ABR: variants seen among roughly 807,000 people sequenced by gnomAD.
The protein encoded by ABR is active breakpoint cluster region-related protein.
A neutral mutation model predicts 107.2 loss-of-function variants in ABR; 35 were observed. The ratio of observed to expected loss-of-function variants is 0.33; its 90% CI spans 0.25 to 0.43. The LOEUF (loss-of-function observed/expected upper bound fraction) is 0.43. Ranked by LOEUF, ABR falls within the 20% of genes least tolerant of loss-of-function variation. The pLI is 1.00. For synonymous variants in ABR, 498 were observed against 462.0 expected, an observed-to-expected ratio of 1.08 and a Z score of -1.00; for missense variants, 815 against 1,115.2, an observed-to-expected ratio of 0.73 and a Z score of 3.83.
chr17:1,048,820 T>C lies in ABR; in HGVS notation c.1791+1230A>G, dbSNP rs142277767. 7.7e-3 allele frequency among the ~76,000 whole-genome samples: 1,060 copies of C among 137,642 alleles called. 11 individuals are homozygous for C. Among genetic ancestry groups the C allele is most frequent in the African/African-American group, 0.024 (799 of 33,334 alleles). The allele number at this position is 137,642 out of a possible 152,430, so 90.3% of individuals were successfully genotyped here. A position where few individuals can be genotyped will look rare whatever the true frequency, so the allele number is the denominator to read the frequency against. ...GGTCAAGAAGCTCGGCGCCCAGCTG[T>C]GCCTGGATCACGTCTGCGGCCACTG... On this transcript the variant is annotated intron_variant, in intron 16 of 22. Coordinates refer to ENST00000302538, the MANE Select transcript of ABR (RefSeq NM_021962.5).
chr17:1,050,477 G>A lies in ABR; in HGVS notation c.1659+60C>T. 2.0e-6 allele frequency: 3 copies of A among 1,486,268 alleles called. No homozygotes were observed. The highest frequency in any genetic ancestry group is 1.1e-5 in the South Asian group (1 of 88,666). The allele number at this position is 1,486,268 out of a possible 1,614,324, so 92.1% of individuals were successfully genotyped here. A position where few individuals can be genotyped will look rare whatever the true frequency, so the allele number is the denominator to read the frequency against. On this transcript the variant is annotated intron_variant, in intron 15 of 22. Coordinates refer to ENST00000302538, the MANE Select transcript of ABR (RefSeq NM_021962.5). This position sits in a 1 kb window ranked among gnomAD's most constrained non-coding sequence, Gnocchi z 4.6. Reference sequence around the variant, plus strand: ...ACCAATGGGCTGGCCGTCCCCAGCAGACAAGCCACGAGCACGGGGTGGTGG... The same window carrying A: ...ACCAATGGGCTGGCCGTCCCCAGCAAACAAGCCACGAGCACGGGGTGGTGG...
In ABR at chr17:1,051,943, A is replaced by G. The variant is rs1335842573; in HGVS notation, c.1562-1309T>C. ...ACAAAAGTGAGCCCGGCGTGGTGGCACATGCCTGTAGTCCCAGCTACTCGG... is the reference window on the plus strand; with the variant it reads ...ACAAAAGTGAGCCCGGCGTGGTGGCGCATGCCTGTAGTCCCAGCTACTCGG... On this transcript the variant is annotated intron_variant, in intron 14 of 22. Transcript: ENST00000302538. The surrounding 1 kb of genome is among the most constrained non-coding windows in gnomAD (Gnocchi z 4.3). Among the ~76,000 whole-genome samples, 5 of 152,126 alleles carry G rather than the reference A, an allele frequency of 3.3e-5. No homozygotes were observed. The highest frequency in any genetic ancestry group is 2.1e-4 in the South Asian group (1 of 4,824).
Position 1,151,570 on chromosome 17 carries a change from A to G in ABR, c.62-26203T>C, listed in dbSNP as rs79150731. 7.3e-3 allele frequency among the ~76,000 whole-genome samples: 1,116 copies of G among 152,246 alleles called. 35 individuals are homozygous for G. In the East Asian group the frequency reaches 0.11, roughly 15 times the overall value. On this transcript the variant is annotated intron_variant, in intron 1 of 22. Transcript: ENST00000302538. Reference sequence around the variant, plus strand: ...CAAAGCCGCGTTCTTCCCTGCGGAGAGATTGTCATGGTTTTTCCAGCAGGG... The same window carrying G: ...CAAAGCCGCGTTCTTCCCTGCGGAGGGATTGTCATGGTTTTTCCAGCAGGG...
chr17:1,195,046 G>T (rs1236953047), intron 1 of ABR, among the ~76,000 whole-genome samples: 2 of 144,658 alleles, frequency 1.4e-5, no homozygotes, highest in Admixed American at 6.9e-5. Context: ...GGTGGCTCAC[G>T]CCTGTAATCC....
intron 1 of ABR, among the ~76,000 whole-genome samples, chr17:1,169,903 C>T (rs2041644124): frequency 6.6e-6 from 1 of 151,944 alleles, no homozygotes; most frequent in Non-Finnish European, 1.5e-5. Flanking sequence ...TGGGCACTGG[C>T]CCTGCTCCAT....
At chr17:1,111,977 T>G (rs2038698825) in intron 2 of ABR, among the ~76,000 whole-genome samples, 3 of 152,230 alleles carry the variant, frequency 2.0e-5, no homozygotes, top group Non-Finnish European at 4.4e-5. Flanking sequence ...CCACTTCTGT[T>G]AGTGCGGCCG....
intron 1 of ABR, among the ~76,000 whole-genome samples, chr17:1,225,132 CCG>C (rs2043190025): frequency 6.9e-6 from 1 of 144,088 alleles, no homozygotes; most frequent in African/African-American, 2.6e-5. Flanking sequence ...CTGGGCAACA[CCG>C]TGAGACTCCA....
intron 6 of ABR, among the ~76,000 whole-genome samples, chr17:1,075,123 A>C (rs942863345): frequency 6.6e-6 from 1 of 152,230 alleles, no homozygotes; most frequent in South Asian, 2.1e-4. Context: ...ACACCAAGTG[A>C]GGATGGCTGG....
At chr17:1,211,158 AG>A (rs1285677561) in intron 1 of ABR, among the ~76,000 whole-genome samples, 1 of 152,210 alleles carries the variant, frequency 6.6e-6, no homozygotes, top group Non-Finnish European at 1.5e-5. Flanking sequence ...AGACGCCCAT[AG>A]TCCCAGCTAC....
intron 2 of ABR, among the ~76,000 whole-genome samples, chr17:1,107,900 C>T (rs2038365539): frequency 1.3e-5 from 2 of 152,248 alleles, no homozygotes; most frequent in South Asian, 4.1e-4. Context: ...CTATTTTTAC[C>T]TCCATTGGCT....
At chr17:1,158,786 T>C (rs1598007928) in intron 1 of ABR, among the ~76,000 whole-genome samples, 1 of 148,232 alleles carries the variant, frequency 6.7e-6, no homozygotes. Context: ...GAATCAAAAG[T>C]GCGTAGGGCT....
intron 10 of ABR, among the ~76,000 whole-genome samples, chr17:1,062,698 G>A (rs1328151300): frequency 6.2e-4 from 88 of 142,548 alleles, no homozygotes; most frequent in African/African-American, 2.2e-3. Flanking sequence ...TGTTCCTCTA[G>A]ACACTGCTAT....
intron 1 of ABR, among the ~76,000 whole-genome samples, chr17:1,226,341 T>C (rs2043213078): frequency 6.6e-6 from 1 of 152,170 alleles, no homozygotes; most frequent in African/African-American, 2.4e-5. Context: ...TTCTCCTAGA[T>C]TGTGTGTGCA....
chr17:1,218,257 A>AAGTG, intron 1 of ABR, among the ~76,000 whole-genome samples: 1 of 152,256 alleles, frequency 6.6e-6, no homozygotes, highest in African/African-American at 2.4e-5. Flanking sequence ...TAACTTGGTT[A>AAGTG]AGGACACAAA....
At chr17:1,047,292 T>C (rs968414335) in intron 16 of ABR, among the ~76,000 whole-genome samples, 3 of 152,220 alleles carry the variant, frequency 2.0e-5, no homozygotes, top group Non-Finnish European at 4.4e-5. Context: ...CTTCCTTAGA[T>C]GTGTGGCCGG....
intron 1 of ABR, among the ~76,000 whole-genome samples, chr17:1,211,600 C>T (rs903395039): frequency 6.6e-6 from 1 of 152,188 alleles, no homozygotes; most frequent in African/African-American, 2.4e-5. Context: ...ACTATTAACA[C>T]ATCCATTTTA....
intron 1 of ABR, among the ~76,000 whole-genome samples, chr17:1,209,793 TG>T (rs1190231819): frequency 1.3e-5 from 2 of 152,168 alleles, no homozygotes; most frequent in Admixed American, 1.3e-4. Context: ...TATACTGTTT[TG>T]TTGACCTTTT....
chr17:1,053,969 A>G (rs2032904097), intron 14 of ABR, among the ~76,000 whole-genome samples: 1 of 152,148 alleles, frequency 6.6e-6, no homozygotes, highest in African/African-American at 2.4e-5. Flanking sequence ...CACGGTAACA[A>G]GCAGCCTGAG....
rs565891159 is a variant in ABR, at chr17:1,127,042, C to T, written c.62-1675G>A. On this transcript the variant is annotated intron_variant, in intron 1 of 22. Transcript: ENST00000302538. ...GAATGGTGTCAACAGGTCACCGGGA[C>T]GCCTGGCCGTGGCCACACTCTGCCC... Among the ~76,000 whole-genome samples, 60 of 152,352 alleles carry T rather than the reference C, an allele frequency of 3.9e-4. 1 individual carries two copies. The highest frequency in any genetic ancestry group is 1.3e-3 in the African/African-American group (56 of 41,580).
Sources: gnomAD v4.1 joint callset for allele counts (sites outside exome capture counted in the v4.1 genomes callset) on GRCh38, gnomAD v4.1.1 for gene constraint, Gnocchi (gnomAD v3.1) non-coding constraint, MANE v1.5 for transcripts, NCBI Gene and HGNC (gene_info 2026-07-23, HGNC 2026-07-21) for gene names.